The following FADS2 variants were observed in gnomAD, a reference collection of about 807,000 sequenced individuals.
FADS2 encodes the protein acyl-CoA 6-desaturase.
A neutral mutation model predicts 61.2 loss-of-function variants in FADS2; 18 were observed. That is an observed-to-expected ratio of 0.29 (90% CI 0.20 to 0.44). FADS2 has a LOEUF of 0.44. Ranked by LOEUF, FADS2 falls within the 20% of genes least tolerant of loss-of-function variation. The pLI is 1.00. For synonymous variants in FADS2, 203 were observed against 223.9 expected (o/e 0.91, Z 0.83); for missense variants, 322 against 572.7 (o/e 0.56, Z 4.47).
At chr11:61,852,784 T>C (rs1397535233) in intron 5 of FADS2, among the ~76,000 whole-genome samples, 1 of 152,196 alleles carries the variant, frequency 6.6e-6, no homozygotes, top group Non-Finnish European at 1.5e-5. Context: ...CTTACGTCTC[T>C]TCGTAATTCT....
At chr11:61,846,134 T>TTC (rs1411260130) in intron 4 of FADS2, among the ~76,000 whole-genome samples, 2 of 147,858 alleles carry the variant, frequency 1.4e-5, no homozygotes, top group East Asian at 3.9e-4. Flanking sequence ...TTCTTTTCTT[T>TTC]TTTTTTTTTT....
Position 61,816,434 on chromosome 11 carries a change from C to G in FADS2, c.141+8C>G. 3 of 1,599,100 alleles carry G rather than the reference C, an allele frequency of 1.9e-6. No homozygotes were observed. Among genetic ancestry groups the G allele is most frequent in the Non-Finnish European group, 2.5e-6 (3 of 1,179,794 alleles). ...CCAATCACCGGGCAACAGGTATGAT[C>G]AGGCGCCTCCGGGCTTTCCTCCGAA... On this transcript the variant is annotated splice_region_variant and intron_variant, in intron 1 of 11. Coordinates refer to the FADS2 transcript ENST00000257261. The surrounding 1 kb of genome is among the most constrained non-coding windows in gnomAD (Gnocchi z 7.0).
intron 7 of FADS2, chr11:61,862,631 C>CA (rs1367103670): frequency 1.6e-5 from 5 of 314,356 alleles, no homozygotes; most frequent in African/African-American, 8.7e-5. Context: ...GACCTGGCCC[C>CA]GGGTTGGGGG....
At chr11:61,852,955 C>T (rs1329044498) in intron 5 of FADS2, among the ~76,000 whole-genome samples, 1 of 152,048 alleles carries the variant, frequency 6.6e-6, no homozygotes, top group Non-Finnish European at 1.5e-5. Flanking sequence ...GAGATCGAGA[C>T]CATCTTGGCT....
intron 1 of FADS2, chr11:61,821,406 C>T (rs915301435): frequency 1.1e-5 from 8 of 702,010 alleles, no homozygotes; most frequent in African/African-American, 3.5e-5. Context: ...ACCTTAATGC[C>T]GATTGTAATG....
chr11:61,861,371 A>AAAACAAAAAAAAAC (rs1555078396), intron 7 of FADS2, among the ~76,000 whole-genome samples: 5 of 106,458 alleles, frequency 4.7e-5, no homozygotes, highest in Admixed American at 4.0e-4. Context: ...AAAAAAAAAA[A>AAAACAAAAAAAAAC]CAGAAATTAG....
chr11:61,849,716 A>C (rs530428347), intron 5 of FADS2: 5 of 152,302 alleles, frequency 3.3e-5, no homozygotes, highest in Admixed American at 1.3e-4. Context: ...ATAAACATGC[A>C]TATATCTGTT....
In FADS2 at chr11:61,863,804, G is replaced by T. The variant is rs377603654; in HGVS notation, c.1157+18G>T. 1.2e-5 allele frequency: 20 copies of T among 1,604,142 alleles called. No individual in the cohort carries two copies. The highest frequency in any genetic ancestry group is 1.7e-5 in the Non-Finnish European group (20 of 1,171,118). On this transcript the variant is annotated intron_variant, in intron 10 of 11. Coordinates refer to ENST00000278840, the MANE Select transcript of FADS2 (RefSeq NM_004265.4). The stretch of plus-strand genomic sequence containing the variant: ...GAGCACCAGTGAGCGCGGGGCTGCG[G>T]GGAGGCGGGGAGACCCACAGCGGGA...
intron 5 of FADS2, among the ~76,000 whole-genome samples, chr11:61,852,359 C>G (rs1349723179): frequency 6.6e-6 from 1 of 152,210 alleles, no homozygotes; most frequent in Admixed American, 6.5e-5. Context: ...CTCCTGGGCT[C>G]AAGCCATCGT....
intron 1 of FADS2, among the ~76,000 whole-genome samples, chr11:61,833,597 T>C (rs2135956555): frequency 6.6e-6 from 1 of 152,340 alleles, no homozygotes; most frequent in African/African-American, 2.4e-5. Context: ...CTACGCCTGA[T>C]TTCTTATCTC....
At chr11:61,837,929 C>A in intron 2 of FADS2, 41 bp downstream of exon 2, 1 of 1,386,702 alleles carries the variant, frequency 7.2e-7, no homozygotes. Flanking sequence ...GGAGACGAGG[C>A]TGGGGGTGGC....
upstream of FADS2, chr11:61,827,968 G>C (rs2067097063): frequency 3.3e-6 from 3 of 910,740 alleles, no homozygotes; most frequent in South Asian, 1.3e-4. The surrounding 1 kb of genome is among the most constrained non-coding windows in gnomAD (Gnocchi z 4.5). Flanking sequence ...CGACGCGACC[G>C]GATTGGTGCA....
At chr11:61,819,286 T>C (rs192706937) in intron 1 of FADS2, among the ~76,000 whole-genome samples, 1 of 152,290 alleles carries the variant, frequency 6.6e-6, no homozygotes, top group East Asian at 1.9e-4. Context: ...CTTAGAAAAA[T>C]ATTTATAGGT....
intron 2 of FADS2, among the ~76,000 whole-genome samples, chr11:61,839,799 A>C (rs1258375961): frequency 6.6e-6 from 1 of 151,960 alleles, no homozygotes; most frequent in Non-Finnish European, 1.5e-5. Context: ...GCACCATTCT[A>C]CTTTCTGTCT....
At chr11:61,839,412 C>A (rs2135960997) in intron 2 of FADS2, among the ~76,000 whole-genome samples, 1 of 152,058 alleles carries the variant, frequency 6.6e-6, no homozygotes, top group East Asian at 1.9e-4. Context: ...CAACCTCCGC[C>A]TCCAGGTTCA....
chr11:61,850,871 A>G (rs1042313496), intron 5 of FADS2, among the ~76,000 whole-genome samples: 4 of 152,132 alleles, frequency 2.6e-5, no homozygotes, highest in Non-Finnish European at 5.9e-5. Context: ...CTTGGCGCCT[A>G]AGGCTTGGAA....
intron 1 of FADS2, among the ~76,000 whole-genome samples, chr11:61,834,436 A>G (rs2845573): frequency 0.1 from 15,355 of 152,228 alleles, 1,354 homozygotes; most frequent in East Asian, 0.41. Context: ...AGGGAGTAAC[A>G]TGAGCAACAC....
chr11:61,853,156 AAACAACAAC>A (rs143352979), intron 5 of FADS2, among the ~76,000 whole-genome samples: 66 of 149,540 alleles, frequency 4.4e-4, no homozygotes, highest in Admixed American at 1.6e-3. Flanking sequence ...CTCCGTCTCA[AAACAACAAC>A]AACAACAACA....
intron 10 of FADS2, 173 bp downstream of exon 10, chr11:61,863,959 C>A (rs2067439969): frequency 1.7e-6 from 1 of 602,254 alleles, no homozygotes; most frequent in Non-Finnish European, 3.0e-6. Flanking sequence ...GAGAGGGGCT[C>A]CCCTATTCCA....
Sources: gnomAD v4.1 joint callset for allele counts (sites outside exome capture counted in the v4.1 genomes callset) on GRCh38, gnomAD v4.1.1 for gene constraint, Gnocchi (gnomAD v3.1) non-coding constraint, MANE v1.5 for transcripts, NCBI Gene and HGNC (gene_info 2026-07-23, HGNC 2026-07-21) for gene names.